ARSG: variants seen among roughly 807,000 people sequenced by gnomAD.
ARSG encodes arylsulfatase G, also known as ASG.
In ARSG, 37 loss-of-function variants were observed where a neutral mutation model predicts 50.5. The observed-to-expected ratio is 0.73, with a 90% confidence interval of 0.56 to 0.96. ARSG has a LOEUF of 0.96. Ranked by LOEUF, ARSG falls within the 50% of genes least tolerant of loss-of-function variation. ARSG has a pLI of 0.00. For missense variants in ARSG, 629 were observed against 675.3 expected (o/e 0.93, Z 0.76); for synonymous variants, 225 against 254.6 (o/e 0.88, Z 1.11).
At position 68,420,308 on chromosome 17, in the gene ARSG, T is replaced by C. The variant is rs1464297373; in HGVS notation, c.1423T>C (p.Tyr475His). The C allele has an allele frequency of 6.2e-7, 1 of 1,613,734 alleles. No homozygotes were observed. Among genetic ancestry groups the C allele is most frequent in the Non-Finnish European group, 8.5e-7 (1 of 1,179,980 alleles). ...AVPLERGGAE[Y>H]QAVLPEVRKV... ...GCCCCTAGAAAGAGGTGGTGCGGAG[T>C]ACCAGGCTGTGCTGCCCGAGGTCAG... is the stretch of plus-strand genomic sequence containing the variant. Residue 475 changes from tyrosine to histidine, a missense_variant, in exon 12 of 12, where the codon TAC (tyrosine) becomes CAC (histidine). Coordinates refer to ENST00000621439, the MANE Select transcript of ARSG (RefSeq NM_001267727.2).
intron 2 of ARSG, among the ~76,000 whole-genome samples, chr17:68,322,783 T>C (rs542959623): frequency 6.6e-6 from 1 of 152,212 alleles, no homozygotes; most frequent in Non-Finnish European, 1.5e-5. Context: ...CCAGCCATAT[T>C]AGTCAGCTTG....
intron 1 of ARSG, among the ~76,000 whole-genome samples, chr17:68,263,445 G>T (rs1321239964): frequency 1.3e-5 from 2 of 152,188 alleles, no homozygotes; most frequent in African/African-American, 4.8e-5. Context: ...TCCTTAAATA[G>T]GTCATTTTAA....
At chr17:68,350,702 A>G (rs1052904922) in intron 4 of ARSG, among the ~76,000 whole-genome samples, 37 of 152,240 alleles carry the variant, frequency 2.4e-4, no homozygotes, top group African/African-American at 8.4e-4. Context: ...GGAGAATGGC[A>G]TGAACCTGGG....
intron 1 of ARSG, among the ~76,000 whole-genome samples, chr17:68,283,760 C>A (rs1555753602): frequency 6.6e-6 from 1 of 151,792 alleles, no homozygotes; most frequent in African/African-American, 2.4e-5. Context: ...CGCCTGTAAT[C>A]CCAGCTACAC....
intron 1 of ARSG, chr17:68,266,996 A>G (rs1274065333): frequency 1.3e-5 from 2 of 152,328 alleles, no homozygotes; most frequent in Admixed American, 1.3e-4. Context: ...ATGCTGTGAG[A>G]GTCAATAAAA....
At chr17:68,427,054 GGAAGGGGAGGGAGCGTGCAGGGA>G (rs1220084617), downstream of ARSG, 12 of 1,183,504 alleles carry the variant, frequency 1.0e-5, no homozygotes, top group African/African-American at 3.0e-5. Flanking sequence ...CAGTGAAGGG[GGAAGGGGAGGGAGCGTGCAGGGA>G]GAAGGGGAGG....
chr17:68,451,382 C>T, the ARSG span, among the ~76,000 whole-genome samples: 4 of 152,038 alleles, frequency 2.6e-5, no homozygotes, highest in Admixed American at 2.6e-4. Flanking sequence ...TGCAGTGAGC[C>T]GAGATCACAA....
intron 11 of ARSG, among the ~76,000 whole-genome samples, chr17:68,415,898 A>T (rs1041143082): frequency 1.3e-5 from 2 of 152,194 alleles, no homozygotes; most frequent in Non-Finnish European, 2.9e-5. Context: ...CTTTAAATGT[A>T]TGCGAGTCCT....
At chr17:68,408,202 C>T (rs1235896273) in intron 11 of ARSG, among the ~76,000 whole-genome samples, 1 of 151,686 alleles carries the variant, frequency 6.6e-6, no homozygotes, top group Non-Finnish European at 1.5e-5. Context: ...TATACATGTG[C>T]CATGCTGGTG....
chr17:68,263,818 A>C (rs2075110490), intron 1 of ARSG, among the ~76,000 whole-genome samples: 1 of 152,150 alleles, frequency 6.6e-6, no homozygotes, highest in African/African-American at 2.4e-5. Context: ...CATATTTGCA[A>C]ACTTGTGAAA....
chr17:68,391,617 C>T (rs115489694), intron 9 of ARSG, among the ~76,000 whole-genome samples: 1,648 of 152,298 alleles, frequency 0.011, 37 homozygotes, highest in African/African-American at 0.038. Context: ...CCATCTGTGA[C>T]GCTGATCTCT....
At position 68,318,657 on chromosome 17, in the gene ARSG, G is replaced by A. The variant is rs114146399; in HGVS notation, c.218+10946G>A. On this transcript the variant is annotated intron_variant, in intron 2 of 11. Coordinates refer to ENST00000621439, the MANE Select transcript of ARSG (RefSeq NM_001267727.2). ...GCACACTGTAATCATGTTTACTTATGTACGTTGATTTGCAATATGTTAACT... is the reference window on the plus strand; with the variant it reads ...GCACACTGTAATCATGTTTACTTATATACGTTGATTTGCAATATGTTAACT... 5.6e-3 allele frequency among the ~76,000 whole-genome samples: 860 copies of A among 152,294 alleles called. 9 individuals carry two copies. The highest frequency in any genetic ancestry group is 0.019 in the African/African-American group (791 of 41,562).
chr17:68,341,465 C>T (rs371469200), intron 2 of ARSG, among the ~76,000 whole-genome samples: 6 of 152,178 alleles, frequency 3.9e-5, no homozygotes, highest in African/African-American at 1.4e-4. Flanking sequence ...TCAGTGTTTC[C>T]TTGTGCTTTT....
chr17:68,300,909 G>A (rs373017436), intron 1 of ARSG, among the ~76,000 whole-genome samples: 1 of 151,580 alleles, frequency 6.6e-6, no homozygotes, highest in Non-Finnish European at 1.5e-5. Context: ...ACGAAGTCAG[G>A]AGATCGAGAC....
At chr17:68,260,948 T>A (rs555622933) in intron 1 of ARSG, among the ~76,000 whole-genome samples, 2 of 152,336 alleles carry the variant, frequency 1.3e-5, no homozygotes, top group Non-Finnish European at 2.9e-5. Flanking sequence ...CAGTATTGAT[T>A]TCATCCCACT....
intron 11 of ARSG, among the ~76,000 whole-genome samples, chr17:68,407,995 T>C (rs187036090): frequency 6.6e-6 from 1 of 151,752 alleles, no homozygotes; most frequent in Admixed American, 6.5e-5. Context: ...TTCAGTATTA[T>C]GTTGGCTGTG....
intron 2 of ARSG, among the ~76,000 whole-genome samples, chr17:68,340,682 A>G (rs2078230248): frequency 6.6e-6 from 1 of 152,166 alleles, no homozygotes; most frequent in South Asian, 2.1e-4. Flanking sequence ...GCACAAGCAG[A>G]TGTCCCAGAC....
intron 2 of ARSG, among the ~76,000 whole-genome samples, chr17:68,310,239 C>T (rs1177563408): frequency 6.6e-6 from 1 of 152,188 alleles, no homozygotes; most frequent in Admixed American, 6.5e-5. Context: ...GGATTACAAG[C>T]GTGAGCCACC....
the ARSG span, among the ~76,000 whole-genome samples, chr17:68,433,776 T>TTTTTG: frequency 1.6e-4 from 10 of 63,124 alleles, no homozygotes; most frequent in African/African-American, 4.5e-4. Context: ...TTTTTTTTTT[T>TTTTTG]TTTTTTTTTT....
Sources: allele counts gnomAD v4.1 joint callset (sites outside exome capture counted in the v4.1 genomes callset), GRCh38; gene constraint gnomAD v4.1.1; transcripts MANE v1.5; gene names NCBI Gene and HGNC (gene_info 2026-07-23, HGNC 2026-07-21).